The following SCML4 variants were observed in gnomAD, a reference collection of about 807,000 sequenced individuals.
SCML4 encodes Scm polycomb group protein like 4.
In SCML4, 34 loss-of-function variants were observed where a neutral mutation model predicts 41.1. The ratio of observed to expected loss-of-function variants is 0.83; its 90% CI spans 0.63 to 1.10. The LOEUF is 1.10. Ranked by LOEUF, SCML4 falls within the 50% of genes least tolerant of loss-of-function variation. The probability of loss-of-function intolerance (pLI) is 0.00; values close to 1 mark genes in which losing one functional copy is unlikely to be tolerated. For missense variants in SCML4, 522 were observed against 534.1 expected (o/e 0.98, Z 0.22); for synonymous variants, 214 against 220.9 (o/e 0.97, Z 0.28).
intron 5 of SCML4, among the ~76,000 whole-genome samples, chr6:107,722,490 C>A (rs1341108312): frequency 6.6e-6 from 1 of 151,944 alleles, no homozygotes; most frequent in Admixed American, 6.6e-5. Context: ...ATATTAGACA[C>A]CATCAAAACA....
chr6:107,836,302 A>G, the SCML4 span, among the ~76,000 whole-genome samples: 2 of 152,230 alleles, frequency 1.3e-5, no homozygotes, highest in Admixed American at 1.3e-4. Context: ...AGAGGGGCTC[A>G]GGAGCCAGCA....
intron 5 of SCML4, among the ~76,000 whole-genome samples, chr6:107,730,486 G>C (rs1353821666): frequency 6.6e-6 from 1 of 152,226 alleles, no homozygotes. Flanking sequence ...AACAAAGCAA[G>C]GTAAATGAGT....
intron 5 of SCML4, among the ~76,000 whole-genome samples, chr6:107,742,241 A>G (rs556995663): frequency 1.3e-5 from 2 of 152,344 alleles, no homozygotes; most frequent in South Asian, 4.1e-4. Flanking sequence ...TAGTCAAAAG[A>G]GAAAAAAGGA....
chr6:107,812,099 T>A (rs751568471), intron 1 of SCML4, among the ~76,000 whole-genome samples: 8 of 152,176 alleles, frequency 5.3e-5, no homozygotes, highest in Non-Finnish European at 7.3e-5. Context: ...GCCGAGGCAC[T>A]GACAATAAAC....
intron 1 of SCML4, among the ~76,000 whole-genome samples, chr6:107,790,458 C>T (rs1562261679): frequency 1.3e-5 from 2 of 152,098 alleles, no homozygotes; most frequent in African/African-American, 4.8e-5. Flanking sequence ...CTTTCTCTCC[C>T]TCGGGGGTTA....
intron 1 of SCML4, among the ~76,000 whole-genome samples, chr6:107,811,343 G>A (rs1296563908): frequency 1.3e-5 from 2 of 152,108 alleles, no homozygotes; most frequent in East Asian, 3.9e-4. Context: ...AATACAACTT[G>A]TTTTTGTGAA....
At chr6:107,770,773 G>A (rs1447694402) in intron 2 of SCML4, among the ~76,000 whole-genome samples, 2 of 152,166 alleles carry the variant, frequency 1.3e-5, no homozygotes, top group African/African-American at 4.8e-5. Context: ...TGAGTCTGTT[G>A]GTAATTTTCA....
At chr6:107,795,662 G>T (rs985696395) in intron 1 of SCML4, among the ~76,000 whole-genome samples, 4 of 152,036 alleles carry the variant, frequency 2.6e-5, no homozygotes, top group Non-Finnish European at 5.9e-5. Flanking sequence ...CAAGTAGCTG[G>T]GGTTACAGGC....
rs1780590779 is a variant in SCML4, at chr6:107,772,331, T to C, written c.-4A>G. On this transcript the variant is annotated 5_prime_UTR_variant, in exon 2 of 8. Coordinates refer to ENST00000369020, the MANE Select transcript of SCML4 (RefSeq NM_198081.5). ...CCGGGATCCTTTGAGACTGCATTTC[T>C]GCTGGTGCCAGTCTTACAGAATGAG... is the stretch of plus-strand genomic sequence containing the variant. 1 of 1,549,354 alleles carries C rather than the reference T, an allele frequency of 6.5e-7. No individual in the cohort carries two copies. The highest frequency in any genetic ancestry group is 8.7e-7 in the Non-Finnish European group (1 of 1,146,016).
chr6:107,759,341 A>ATACG (rs1779384886), intron 2 of SCML4, among the ~76,000 whole-genome samples: 1 of 150,918 alleles, frequency 6.6e-6, no homozygotes, highest in Non-Finnish European at 1.5e-5. Flanking sequence ...AAATACATAC[A>ATACG]TACATACATA....
In SCML4 at chr6:107,703,887, A is replaced by ATG. The variant is rs1254078590; in HGVS notation, c.*1311_*1312dup. Among the ~76,000 whole-genome samples, 4 of 152,224 alleles carry ATG rather than the reference A, an allele frequency of 2.6e-5. No homozygotes were observed. The highest frequency in any genetic ancestry group is 9.6e-5 in the African/African-American group (4 of 41,462). The stretch of plus-strand genomic sequence containing the variant: ...GCAAAGGCGAATTCATTTTGAAGAT[A>ATG]TGTTTTCTGCTCAGTGTGAAAGAAG... On this transcript the variant is annotated 3_prime_UTR_variant, in exon 8 of 8. Transcript: ENST00000369020.
At chr6:107,739,294 T>C (rs1297545919) in intron 5 of SCML4, among the ~76,000 whole-genome samples, 1 of 152,144 alleles carries the variant, frequency 6.6e-6, no homozygotes, top group Admixed American at 6.5e-5. Flanking sequence ...AGTTCTGTTC[T>C]ACAGGACCAC....
At chr6:107,841,089 T>C in the SCML4 span, among the ~76,000 whole-genome samples, 1 of 151,944 alleles carries the variant, frequency 6.6e-6, no homozygotes, top group Non-Finnish European at 1.5e-5. Context: ...TCAACCATCA[T>C]ATTGCATCAT....
intron 5 of SCML4, 83 bp downstream of exon 5, chr6:107,744,866 A>G: frequency 2.6e-6 from 3 of 1,163,956 alleles, no homozygotes; most frequent in South Asian, 1.6e-5. Context: ...AGGAGCTACA[A>G]TGGCTCCCTC....
intron 1 of SCML4, among the ~76,000 whole-genome samples, chr6:107,782,227 T>C (rs2114596812): frequency 6.6e-6 from 1 of 152,344 alleles, no homozygotes; most frequent in Non-Finnish European, 1.5e-5. Flanking sequence ...GGAAAAGTTT[T>C]CCTGGCCTGG....
At chr6:107,762,269 G>T (rs942649252) in intron 2 of SCML4, among the ~76,000 whole-genome samples, 4 of 151,460 alleles carry the variant, frequency 2.6e-5, no homozygotes, top group African/African-American at 7.3e-5. Flanking sequence ...GAATGGGAAA[G>T]AAAAAATTAA....
At chr6:107,758,263 C>A (rs1301286173) in intron 2 of SCML4, among the ~76,000 whole-genome samples, 1 of 152,142 alleles carries the variant, frequency 6.6e-6, no homozygotes, top group Non-Finnish European at 1.5e-5. Context: ...CTAGAGGTAG[C>A]CTGTTGTGAC....
At chr6:107,822,824 A>G (rs1785047650) in intron 1 of SCML4, among the ~76,000 whole-genome samples, 1 of 152,210 alleles carries the variant, frequency 6.6e-6, no homozygotes, top group South Asian at 2.1e-4. Context: ...ACGATCACGC[A>G]GTACCGATTT....
intron 1 of SCML4, among the ~76,000 whole-genome samples, chr6:107,799,930 T>A (rs1306359213): frequency 1.3e-5 from 2 of 152,116 alleles, no homozygotes; most frequent in Non-Finnish European, 2.9e-5. Context: ...CATTATCTGA[T>A]GATTGCAATA....
Sources: gnomAD v4.1 joint callset for allele counts (sites outside exome capture counted in the v4.1 genomes callset) on GRCh38, gnomAD v4.1.1 for gene constraint, MANE v1.5 for transcripts, NCBI Gene and HGNC (gene_info 2026-07-23, HGNC 2026-07-21) for gene names.